The following PRDM5 variants were observed in gnomAD, a reference collection of about 807,000 sequenced individuals.
The protein encoded by PRDM5 is PR/SET domain 5.
In PRDM5, 56 loss-of-function variants were observed where a neutral mutation model predicts 81.2. That is an observed-to-expected ratio of 0.69 (90% CI 0.56 to 0.86). The LOEUF (loss-of-function observed/expected upper bound fraction) is 0.86, where lower values mean the gene tolerates loss of function less well. Ranked by LOEUF, PRDM5 falls within the 40% of genes least tolerant of loss-of-function variation. PRDM5 has a pLI of 0.00. For synonymous variants in PRDM5, 267 were observed against 256.4 expected (o/e 1.04, Z -0.39); for missense variants, 697 against 770.1 (o/e 0.91, Z 1.12).
intron 10 of PRDM5, among the ~76,000 whole-genome samples, chr4:120,797,005 C>T (rs148553680): frequency 1.5e-3 from 234 of 152,144 alleles, no homozygotes; most frequent in East Asian, 0.014. Flanking sequence ...TATCTTTGGA[C>T]CAATTTCCTG....
At chr4:120,779,019 A>T (rs539254788) in intron 12 of PRDM5, among the ~76,000 whole-genome samples, 1 of 152,292 alleles carries the variant, frequency 6.6e-6, no homozygotes, top group East Asian at 1.9e-4. Context: ...CCAAACAGAT[A>T]ATTACTAATT....
chr4:120,838,909 T>C (rs1757673035), intron 3 of PRDM5: 1 of 367,202 alleles, frequency 2.7e-6, no homozygotes, highest in East Asian at 4.4e-5. Context: ...AGAGTGAGTG[T>C]GGGGTCTGGC....
At chr4:120,861,741 C>T (rs548824003) in intron 2 of PRDM5, among the ~76,000 whole-genome samples, 14 of 150,812 alleles carry the variant, frequency 9.3e-5, no homozygotes, top group South Asian at 2.1e-4. Context: ...AAAGCTGCAG[C>T]GAGCCAAGAT....
intron 2 of PRDM5, among the ~76,000 whole-genome samples, chr4:120,869,070 T>A (rs144303440): frequency 1.3e-5 from 2 of 152,270 alleles, no homozygotes; most frequent in East Asian, 3.9e-4. Flanking sequence ...TATGTTTCCA[T>A]CGATCTCTAT....
At chr4:120,747,482 G>T (rs1236716846) in intron 14 of PRDM5, among the ~76,000 whole-genome samples, 1 of 151,546 alleles carries the variant, frequency 6.6e-6, no homozygotes. Flanking sequence ...TTTTTGGGGG[G>T]ATAATTTTCA....
intron 2 of PRDM5, among the ~76,000 whole-genome samples, chr4:120,877,530 T>G (rs1268807076): frequency 6.6e-6 from 1 of 152,080 alleles, no homozygotes; most frequent in African/African-American, 2.4e-5. Flanking sequence ...CGGGGCCGGG[T>G]GCGGTGGCTC....
intron 3 of PRDM5, among the ~76,000 whole-genome samples, chr4:120,825,373 C>A (rs1196049022): frequency 3.9e-5 from 6 of 152,142 alleles, no homozygotes; most frequent in Non-Finnish European, 5.9e-5. Context: ...ACCAAACTAT[C>A]ACACAAAGTT....
At chr4:120,740,422 T>C (rs571929056) in intron 14 of PRDM5, among the ~76,000 whole-genome samples, 2 of 152,318 alleles carry the variant, frequency 1.3e-5, no homozygotes, top group African/African-American at 4.8e-5. Flanking sequence ...TTAACCCAGA[T>C]AATTGTGAAT....
chr4:120,746,804 G>A (rs915127470), intron 14 of PRDM5, among the ~76,000 whole-genome samples: 46 of 143,572 alleles, frequency 3.2e-4, no homozygotes, highest in Non-Finnish European at 5.8e-4. Context: ...GAGAGGATGT[G>A]GAGAAATAGG....
intron 2 of PRDM5, among the ~76,000 whole-genome samples, chr4:120,878,502 G>A (rs1762541655): frequency 6.6e-6 from 1 of 152,118 alleles, no homozygotes; most frequent in African/African-American, 2.4e-5. Context: ...GTAAGCTTGT[G>A]TTTGGTGATG....
chr4:120,835,019 A>G (rs967575394), intron 3 of PRDM5, among the ~76,000 whole-genome samples: 1 of 152,208 alleles, frequency 6.6e-6, no homozygotes, highest in African/African-American at 2.4e-5. Context: ...TTTTAATTCT[A>G]TGATTGTTTT....
chr4:120,787,313 C>A (rs1749900728), intron 10 of PRDM5, among the ~76,000 whole-genome samples: 1 of 152,096 alleles, frequency 6.6e-6, no homozygotes. Context: ...GAGATGCAGT[C>A]AGAAGAATGG....
At chr4:120,752,082 T>C (rs1038473605) in intron 14 of PRDM5, among the ~76,000 whole-genome samples, 4 of 152,174 alleles carry the variant, frequency 2.6e-5, no homozygotes, top group East Asian at 1.9e-4. Flanking sequence ...TCTTACAAAA[T>C]GCAAATAATA....
chr4:120,805,371 T>C (rs1361207049), intron 8 of PRDM5, among the ~76,000 whole-genome samples: 1 of 152,182 alleles, frequency 6.6e-6, no homozygotes, highest in African/African-American at 2.4e-5. Context: ...ATCATCCTGA[T>C]ACGAAAGCCT....
chr4:120,915,323 A>C, intron 1 of PRDM5, among the ~76,000 whole-genome samples: 1 of 152,306 alleles, frequency 6.6e-6, no homozygotes, highest in South Asian at 2.1e-4. Flanking sequence ...ATCAACTAAC[A>C]TTTTAACAAC....
intron 5 of PRDM5, 110 bp downstream of exon 5, chr4:120,818,243 C>T (rs1049562866): frequency 5.3e-5 from 60 of 1,135,716 alleles, no homozygotes; most frequent in Non-Finnish European, 6.7e-5. Flanking sequence ...ACAAAACATG[C>T]GCGTGCGCGC....
At chr4:120,735,459 G>C (rs1022728011) in intron 14 of PRDM5, among the ~76,000 whole-genome samples, 1 of 152,080 alleles carries the variant, frequency 6.6e-6, no homozygotes, top group African/African-American at 2.4e-5. Context: ...CAGTCCCTGA[G>C]AGTTATGTGA....
chr4:120,722,288 C>T (rs1425551545), intron 14 of PRDM5, among the ~76,000 whole-genome samples: 1 of 152,128 alleles, frequency 6.6e-6, no homozygotes, highest in African/African-American at 2.4e-5. Flanking sequence ...AGTCATGACC[C>T]TGACAGTTAC....
chr4:120,736,199 TTGTGTGTGTGTGTGTG>T (rs57073985), intron 14 of PRDM5, among the ~76,000 whole-genome samples: 4 of 145,136 alleles, frequency 2.8e-5, no homozygotes, highest in African/African-American at 7.7e-5. Context: ...TACTATCCTT[TTGTGTGTGTGTGTGTG>T]TGTGTGTGTG....
Sources: gnomAD v4.1 joint callset for allele counts (sites outside exome capture counted in the v4.1 genomes callset) on GRCh38, gnomAD v4.1.1 for gene constraint, MANE v1.5 for transcripts, NCBI Gene and HGNC (gene_info 2026-07-23, HGNC 2026-07-21) for gene names.